Variants in GRHL2 observed in about 807,000 individuals in gnomAD.
GRHL2 encodes the protein grainyhead-like protein 2 homolog.
GRHL2 carries 21 observed loss-of-function variants against 83.8 expected under a neutral mutation model. The ratio of observed to expected loss-of-function variants is 0.25; its 90% CI spans 0.18 to 0.36. GRHL2 has a LOEUF of 0.36. GRHL2 is among the 10% of genes least tolerant of loss of function. GRHL2 has a pLI of 1.00. For missense variants in GRHL2, 623 were observed against 781.8 expected (o/e 0.80, Z 2.42); for synonymous variants, 280 against 278.9 (o/e 1.00, Z -0.04).
intron 14 of GRHL2, among the ~76,000 whole-genome samples, chr8:101,650,875 A>G (rs910203877): frequency 6.6e-6 from 1 of 152,066 alleles, no homozygotes; most frequent in African/African-American, 2.4e-5. Flanking sequence ...TACCAATGTC[A>G]TCACGCTGCC....
chr8:101,664,639 C>A, intron 15 of GRHL2, 121 bp downstream of exon 15: 1 of 742,288 alleles, frequency 1.3e-6, no homozygotes, highest in Non-Finnish European at 2.3e-6. Flanking sequence ...AAAATTGTGT[C>A]CTTCTTCCAG....
chr8:101,652,522 G>A (rs1586173510), intron 14 of GRHL2, among the ~76,000 whole-genome samples: 1 of 50,548 alleles, frequency 2.0e-5, no homozygotes, highest in Non-Finnish European at 3.2e-5. Context: ...TGTGTGTGTG[G>A]TGTGTGTGTG....
intron 1 of GRHL2, among the ~76,000 whole-genome samples, chr8:101,520,410 A>G (rs16867810): frequency 0.16 from 25,056 of 152,182 alleles, 2,226 homozygotes; most frequent in East Asian, 0.33. Flanking sequence ...ACAGAATCTT[A>G]AGGAAGACCT....
intron 1 of GRHL2, among the ~76,000 whole-genome samples, chr8:101,521,958 AAAGG>A (rs1310213952): frequency 1.3e-5 from 2 of 152,110 alleles, no homozygotes; most frequent in East Asian, 3.8e-4. Context: ...GGAGCTCAAT[AAAGG>A]TTTGTTCAAT....
chr8:101,672,393 A>G (rs1386036856), downstream of GRHL2, among the ~76,000 whole-genome samples: 1 of 151,942 alleles, frequency 6.6e-6, no homozygotes, highest in East Asian at 1.9e-4. Flanking sequence ...AGGCTCGAGA[A>G]CTACGTGAAG....
chr8:101,608,735 TCACACACACACACACACACA>T (rs72332231), intron 8 of GRHL2, among the ~76,000 whole-genome samples: 3 of 144,656 alleles, frequency 2.1e-5, no homozygotes, highest in Non-Finnish European at 3.0e-5. Context: ...GCTCACTCTC[TCACACACACACACACACACA>T]CACACACACA....
intron 12 of GRHL2, among the ~76,000 whole-genome samples, chr8:101,640,728 T>G (rs1378406113): frequency 6.6e-6 from 1 of 152,176 alleles, no homozygotes; most frequent in Non-Finnish European, 1.5e-5. Flanking sequence ...CTCTGTGGCT[T>G]CTACACTGCA....
intron 1 of GRHL2, among the ~76,000 whole-genome samples, chr8:101,534,638 A>G (rs1182551806): frequency 1.3e-5 from 2 of 152,126 alleles, no homozygotes; most frequent in African/African-American, 4.8e-5. Context: ...AGACAGTGCA[A>G]TAATCCAAGT....
At chr8:101,634,497 A>G (rs1369158999) in intron 11 of GRHL2, among the ~76,000 whole-genome samples, 2 of 152,228 alleles carry the variant, frequency 1.3e-5, no homozygotes, top group South Asian at 2.1e-4. Context: ...GCAGAACAAG[A>G]GCCAGCAGTG....
chr8:101,653,822 C>T (rs529544081), intron 14 of GRHL2, among the ~76,000 whole-genome samples: 32 of 152,108 alleles, frequency 2.1e-4, no homozygotes, highest in African/African-American at 5.8e-4. Flanking sequence ...GGGGTAGGCC[C>T]GGGAATCAGC....
chr8:101,630,212 A>G (rs947637859), intron 9 of GRHL2, among the ~76,000 whole-genome samples: 2 of 152,176 alleles, frequency 1.3e-5, no homozygotes, highest in Non-Finnish European at 2.9e-5. Context: ...TTCATTGACC[A>G]TAAATTCTCA....
chr8:101,612,512 G>GATACATACATACATAC (rs1329838226), intron 8 of GRHL2, among the ~76,000 whole-genome samples: 3 of 121,544 alleles, frequency 2.5e-5, no homozygotes, highest in Admixed American at 8.1e-5. Context: ...TAGATAGATA[G>GATACATACATACATAC]ATAGATAGAT....
intron 8 of GRHL2, among the ~76,000 whole-genome samples, chr8:101,603,601 T>A (rs1423192090): frequency 6.6e-6 from 1 of 152,238 alleles, no homozygotes; most frequent in African/African-American, 2.4e-5. Flanking sequence ...GTTTGGGGAT[T>A]AATTCCAGAT....
chr8:101,600,645 C>T (rs1175462075), intron 8 of GRHL2, among the ~76,000 whole-genome samples: 1 of 152,200 alleles, frequency 6.6e-6, no homozygotes, highest in Non-Finnish European at 1.5e-5. Flanking sequence ...AGTTATCTGA[C>T]CTCTCTGGGC....
intron 12 of GRHL2, among the ~76,000 whole-genome samples, chr8:101,637,245 C>A (rs905002588): frequency 6.6e-6 from 1 of 152,156 alleles, no homozygotes; most frequent in Non-Finnish European, 1.5e-5. Context: ...TTGGTGAAAT[C>A]TTCTCAGTAG....
At chr8:101,514,280 A>G (rs993710040) in intron 1 of GRHL2, among the ~76,000 whole-genome samples, 9 of 152,240 alleles carry the variant, frequency 5.9e-5, no homozygotes, top group Admixed American at 1.3e-4. Context: ...ACTGGGACCA[A>G]TAAGTGAAAA....
At chr8:101,589,186 C>T (rs1812226304) in intron 7 of GRHL2, among the ~76,000 whole-genome samples, 1 of 152,144 alleles carries the variant, frequency 6.6e-6, no homozygotes, top group African/African-American at 2.4e-5. Flanking sequence ...TGTTACTTAC[C>T]AAAGCACAGT....
intron 8 of GRHL2, among the ~76,000 whole-genome samples, chr8:101,604,823 G>C (rs549886563): frequency 6.6e-6 from 1 of 152,112 alleles, no homozygotes; most frequent in Non-Finnish European, 1.5e-5. Flanking sequence ...GGCCATCTCC[G>C]ATCTTTATGA....
chr8:101,627,552 A>C (rs936557664), intron 9 of GRHL2, among the ~76,000 whole-genome samples: 4 of 152,110 alleles, frequency 2.6e-5, no homozygotes, highest in Admixed American at 1.3e-4. Flanking sequence ...AAACCAAGCC[A>C]ATGAATAAAC....
Sources: gnomAD v4.1 joint callset for allele counts (sites outside exome capture counted in the v4.1 genomes callset) on GRCh38, gnomAD v4.1.1 for gene constraint, MANE v1.5 for transcripts, NCBI Gene and HGNC (gene_info 2026-07-23, HGNC 2026-07-21) for gene names.